RAPGEF4: variants seen among roughly 807,000 people sequenced by gnomAD.
RAPGEF4 encodes the protein Rap guanine nucleotide exchange factor 4.
RAPGEF4 carries 66 observed loss-of-function variants against 147.9 expected under a neutral mutation model. The observed-to-expected ratio is 0.45, with a 90% CI of 0.37 to 0.55. The LOEUF (loss-of-function observed/expected upper bound fraction) is 0.55. Ranked by LOEUF, RAPGEF4 falls within the 20% of genes least tolerant of loss-of-function variation. The pLI, the probability that RAPGEF4 is intolerant of heterozygous loss-of-function variation, is 0.00. For synonymous variants in RAPGEF4, 419 were observed against 442.7 expected, an observed-to-expected ratio of 0.95 and a Z score of 0.67; for missense variants, 1,071 against 1,257.3, an observed-to-expected ratio of 0.85 and a Z score of 2.24.
At chr2:172,885,751 G>A (rs1487172908) in intron 4 of RAPGEF4, among the ~76,000 whole-genome samples, 1 of 152,164 alleles carries the variant, frequency 6.6e-6, no homozygotes, top group African/African-American at 2.4e-5. Flanking sequence ...GGAATTATGG[G>A]AGAACAATTC....
intron 4 of RAPGEF4, among the ~76,000 whole-genome samples, chr2:172,819,938 T>C (rs940812622): frequency 8.5e-5 from 13 of 152,174 alleles, no homozygotes; most frequent in Non-Finnish European, 1.3e-4. Context: ...TTATGATTGA[T>C]AGTAGCTCTT....
At chr2:172,926,840 G>A (rs915744274) in intron 6 of RAPGEF4, among the ~76,000 whole-genome samples, 3 of 152,166 alleles carry the variant, frequency 2.0e-5, no homozygotes, top group East Asian at 1.9e-4. Context: ...AAAGTGCTGG[G>A]ATTACAAGTG....
At chr2:173,005,520 G>GTTTTTTTTTTTTTTTTTTTTTTT (rs573596077) in intron 17 of RAPGEF4, among the ~76,000 whole-genome samples, 5 of 86,736 alleles carry the variant, frequency 5.8e-5, no homozygotes, top group Admixed American at 1.6e-4. Flanking sequence ...GTTGTTTTGT[G>GTTTTTTTTTTTTTTTTTTTTTTT]TTTTTTTTTT....
At chr2:172,829,222 T>A (rs1690020501) in intron 4 of RAPGEF4, among the ~76,000 whole-genome samples, 1 of 152,216 alleles carries the variant, frequency 6.6e-6, no homozygotes, top group Non-Finnish European at 1.5e-5. Context: ...CTGCAGGTCT[T>A]TCTCAGTCAG....
At chr2:172,796,620 C>T (rs1304718060) in intron 2 of RAPGEF4, among the ~76,000 whole-genome samples, 2 of 152,118 alleles carry the variant, frequency 1.3e-5, no homozygotes, top group Non-Finnish European at 1.5e-5. Flanking sequence ...CTCCTAGGCT[C>T]AAGCCATCTG....
At chr2:172,896,976 A>G (rs1698542321) in intron 4 of RAPGEF4, among the ~76,000 whole-genome samples, 1 of 152,032 alleles carries the variant, frequency 6.6e-6, no homozygotes, top group Non-Finnish European at 1.5e-5. Context: ...TTAGGGAGGG[A>G]TGGTCAGATT....
chr2:172,814,360 A>G lies in RAPGEF4; in HGVS notation c.379A>G (p.Ile127Val), dbSNP rs778080596. ...ILDNTPRHAT[I>V]VTRESSELLR... ...GGACAACACACCCCGCCATGCAACC[A>G]TCGTTACCAGGGAGAGCAGTGAACT... is the stretch of plus-strand genomic sequence containing the variant. Residue 127 changes from isoleucine (I) to valine (V), a missense_variant, in exon 4 of 31, where the codon ATC (isoleucine) becomes GTC (valine). Physicochemically the swap from Ile to Val is conservative, Grantham distance 29. Coordinates refer to ENST00000397081, the MANE Select transcript of RAPGEF4 (RefSeq NM_007023.4). The G allele has an allele frequency of 5.0e-6, 8 of 1,614,056 alleles. No homozygotes were observed. The highest frequency in any genetic ancestry group is 1.3e-5 in the African/African-American group (1 of 74,932).
intron 4 of RAPGEF4, among the ~76,000 whole-genome samples, chr2:172,901,431 A>C (rs963144466): frequency 1.3e-5 from 2 of 152,248 alleles, no homozygotes; most frequent in African/African-American, 2.4e-5. Flanking sequence ...GACCATGTAC[A>C]TCATATGATT....
intron 4 of RAPGEF4, among the ~76,000 whole-genome samples, chr2:172,892,153 C>G (rs1485007157): frequency 1.1e-4 from 16 of 152,086 alleles, no homozygotes; most frequent in Admixed American, 9.8e-4. Context: ...GTGGAGCAGT[C>G]TTAGATATTC....
At chr2:173,036,323 T>C (rs1235552306) in intron 28 of RAPGEF4, 111 bp downstream of exon 28, 1 of 890,540 alleles carries the variant, frequency 1.1e-6, no homozygotes, top group African/African-American at 1.7e-5. Flanking sequence ...ATCCCATCCT[T>C]CTGCCTTCTT....
rs1423076815 is a variant in RAPGEF4 at position 172,736,373 on chromosome 2, C to T, written c.65+325C>T. On this transcript the variant is annotated intron_variant, in intron 1 of 30. Transcript: ENST00000397081. ...GTGGGGGTTTATTTTCTCTTGGCAT[C>T]ACGGGACAGAAGAATCGATGCATAC... Among the ~76,000 whole-genome samples, 9 of 152,322 alleles carry T rather than the reference C, an allele frequency of 5.9e-5. No homozygotes were observed. The East Asian group carries it at 1.7e-3, about 29-fold the overall frequency.
intron 4 of RAPGEF4, among the ~76,000 whole-genome samples, chr2:172,850,377 G>C (rs937046925): frequency 2.0e-5 from 3 of 152,060 alleles, no homozygotes; most frequent in Non-Finnish European, 2.9e-5. Flanking sequence ...TAGCACTTCG[G>C]GAGGCCGAGG....
At chr2:172,807,354 G>A (rs1030628911) in intron 3 of RAPGEF4, among the ~76,000 whole-genome samples, 1 of 152,240 alleles carries the variant, frequency 6.6e-6, no homozygotes, top group African/African-American at 2.4e-5. Context: ...TCCTGCGGCC[G>A]GCTTGCCTGA....
At chr2:173,009,588 CA>C (rs151209113) in intron 17 of RAPGEF4, among the ~76,000 whole-genome samples, 11,052 of 149,500 alleles carry the variant, frequency 0.074, 592 homozygotes, top group South Asian at 0.15. Flanking sequence ...TTCCAAAATC[CA>C]AAAAAAAAAT....
intron 29 of RAPGEF4, among the ~76,000 whole-genome samples, chr2:173,040,057 G>A (rs891985634): frequency 5.9e-5 from 9 of 151,732 alleles, no homozygotes; most frequent in African/African-American, 1.7e-4. Flanking sequence ...GGTTGATGGC[G>A]GGCACCAGTA....
At chr2:172,848,458 T>A (rs1039263915) in intron 4 of RAPGEF4, among the ~76,000 whole-genome samples, 1 of 152,240 alleles carries the variant, frequency 6.6e-6, no homozygotes, top group Non-Finnish European at 1.5e-5. Flanking sequence ...TTGAGTAAAT[T>A]GCCTGTAGAG....
At chr2:172,869,028 G>A (rs1352630104) in intron 4 of RAPGEF4, among the ~76,000 whole-genome samples, 1 of 152,178 alleles carries the variant, frequency 6.6e-6, no homozygotes, top group Non-Finnish European at 1.5e-5. Context: ...TTCTCAATAA[G>A]TGTTTGTAGT....
intron 4 of RAPGEF4, among the ~76,000 whole-genome samples, chr2:172,859,058 A>C (rs966928572): frequency 6.6e-6 from 1 of 152,236 alleles, no homozygotes; most frequent in Non-Finnish European, 1.5e-5. Flanking sequence ...TTATGCCTAC[A>C]TGAAAATGGG....
At chr2:173,043,810 T>C (rs1277558993) in intron 29 of RAPGEF4, among the ~76,000 whole-genome samples, 2 of 152,096 alleles carry the variant, frequency 1.3e-5, no homozygotes, top group East Asian at 3.9e-4. Context: ...CATCAGAGCT[T>C]GAGGGAAATT....
Sources: gnomAD v4.1 joint callset for allele counts (sites outside exome capture counted in the v4.1 genomes callset) on GRCh38, gnomAD v4.1.1 for gene constraint, MANE v1.5 for transcripts, NCBI Gene and HGNC (gene_info 2026-07-23, HGNC 2026-07-21) for gene names.